The following EYS variants were observed in gnomAD, a reference collection of about 807,000 sequenced individuals.
EYS encodes EGF-like photoreceptor maintenance factor.
EYS carries 250 observed loss-of-function variants against 282.1 expected under a neutral mutation model. That is an observed-to-expected ratio of 0.89 (90% CI 0.80 to 0.98). EYS has a LOEUF of 0.98. EYS is among the 50% of genes least tolerant of loss of function. EYS has a pLI of 0.00. For missense variants in EYS, 4,016 were observed against 3,709.0 expected (o/e 1.08, Z -2.15); for synonymous variants, 1,355 against 1,282.9 (o/e 1.06, Z -1.20).
intron 7 of EYS, among the ~76,000 whole-genome samples, chr6:65,390,873 G>A (rs1469355493): frequency 6.6e-6 from 1 of 150,386 alleles, no homozygotes; most frequent in African/African-American, 2.4e-5. Context: ...GAAAACATGA[G>A]ACCCCGTCTC....
intron 35 of EYS, among the ~76,000 whole-genome samples, chr6:63,956,834 C>G (rs1264773292): frequency 1.3e-5 from 2 of 152,138 alleles, no homozygotes; most frequent in African/African-American, 4.8e-5. Flanking sequence ...TTTTCCCGCC[C>G]CTGGATAGTG....
intron 1 of EYS, among the ~76,000 whole-genome samples, chr6:65,688,456 G>A (rs1019510114): frequency 6.6e-6 from 1 of 152,030 alleles, no homozygotes; most frequent in Non-Finnish European, 1.5e-5. Flanking sequence ...AGACCTAAAT[G>A]TTAGACCTAA....
intron 22 of EYS, among the ~76,000 whole-genome samples, chr6:64,789,886 TATA>T (rs1416406200): frequency 1.5e-4 from 7 of 45,320 alleles, no homozygotes; most frequent in Non-Finnish European, 4.4e-4. Flanking sequence ...AGTTGTATGA[TATA>T]TATATATATA....
chr6:64,238,863 A>T (rs1766697565), intron 30 of EYS, among the ~76,000 whole-genome samples: 1 of 152,102 alleles, frequency 6.6e-6, no homozygotes, highest in Non-Finnish European at 1.5e-5. Flanking sequence ...TCAACCCATC[A>T]TCTACATTAG....
intron 19 of EYS, among the ~76,000 whole-genome samples, chr6:64,846,781 T>C (rs1765729397): frequency 6.6e-6 from 1 of 152,148 alleles, no homozygotes; most frequent in African/African-American, 2.4e-5. Flanking sequence ...TTAGGGGAAG[T>C]ATTTCATTAT....
intron 7 of EYS, among the ~76,000 whole-genome samples, chr6:65,393,860 G>A (rs903703767): frequency 6.6e-6 from 1 of 151,852 alleles, no homozygotes; most frequent in Admixed American, 6.6e-5. Context: ...AACACAATAA[G>A]CTGAGAATAT....
At chr6:65,547,963 T>A (rs1035256951) in intron 2 of EYS, among the ~76,000 whole-genome samples, 1 of 152,198 alleles carries the variant, frequency 6.6e-6, no homozygotes, top group Non-Finnish European at 1.5e-5. Flanking sequence ...CAAATTCCCA[T>A]TCTTTATCTC....
At chr6:64,316,285 T>C (rs1288817543) in intron 29 of EYS, among the ~76,000 whole-genome samples, 1 of 152,144 alleles carries the variant, frequency 6.6e-6, no homozygotes, top group Non-Finnish European at 1.5e-5. Context: ...ATTGTCTCTG[T>C]TTGCAGATGA....
intron 35 of EYS, among the ~76,000 whole-genome samples, chr6:63,963,501 A>C (rs1204631074): frequency 1.3e-5 from 2 of 152,188 alleles, no homozygotes; most frequent in Admixed American, 6.5e-5. Context: ...ATGTGGCTTC[A>C]AGAAAGAATA....
chr6:64,306,853 C>T lies in EYS; in HGVS notation c.6191+117G>A, dbSNP rs550831454. ...TGAAGTAGAACGTAGGAATGTGAAG[C>T]AAAAACAAAGAAACGAAATATAGTG... On this transcript the variant is annotated intron_variant, in intron 30 of 42. Transcript: ENST00000503581. The T allele has an allele frequency of 1.0e-3, 662 of 640,872 alleles. 3 individuals carry two copies. In the African/African-American group the frequency reaches 0.011, roughly 10 times the overall value. 39.7% of individuals were successfully genotyped at this position (640,872 alleles called of 1,614,324 possible). A position where few individuals can be genotyped will look rare whatever the true frequency, so the allele number is the denominator to read the frequency against.
chr6:64,888,037 A>G (rs1374940188), intron 18 of EYS, among the ~76,000 whole-genome samples: 1 of 152,054 alleles, frequency 6.6e-6, no homozygotes, highest in East Asian at 1.9e-4. Flanking sequence ...AAATAACAGG[A>G]CTTCATTCTT....
At position 64,822,794 on chromosome 6, in the gene EYS, T is replaced by G; in HGVS notation, c.3021A>C (p.Glu1007Asp). 6.5e-7 allele frequency: 1 copy of G among 1,549,704 alleles called. No homozygotes were observed. Among genetic ancestry groups the G allele is most frequent in the South Asian group, 1.2e-5 (1 of 83,838 alleles). ...TGINCEINLD[E>D]CLSEPCLHDG... ...CATGGAGACAGGGCTCTGATAGGCA[T>G]TCATCTAGATTTATTTCACAGTTGA... Residue 1007 changes from glutamate (E) to aspartate (D), a missense_variant, in exon 20 of 43, where the codon GAA becomes GAC. Glu to Asp is a conservative substitution (Grantham distance 45). Coordinates refer to ENST00000503581, the MANE Select transcript of EYS (RefSeq NM_001142800.2).
At chr6:64,758,415 T>G (rs1201282026) in intron 22 of EYS, among the ~76,000 whole-genome samples, 4 of 152,184 alleles carry the variant, frequency 2.6e-5, no homozygotes, top group African/African-American at 9.7e-5. Context: ...ACTGCTTGGA[T>G]AGCCTGGAAC....
At chr6:64,489,053 T>C (rs971633688) in intron 26 of EYS, among the ~76,000 whole-genome samples, 2 of 150,858 alleles carry the variant, frequency 1.3e-5, no homozygotes, top group Admixed American at 6.6e-5. Flanking sequence ...TGGAGAAGAA[T>C]GATGAAAAAA....
intron 13 of EYS, among the ~76,000 whole-genome samples, chr6:65,037,508 T>C (rs1772805146): frequency 6.6e-6 from 1 of 151,820 alleles, no homozygotes; most frequent in Non-Finnish European, 1.5e-5. Flanking sequence ...AACTTTCACT[T>C]AATAAAAAGT....
At chr6:65,207,706 A>T (rs139142142) in intron 12 of EYS, among the ~76,000 whole-genome samples, 2,145 of 151,812 alleles carry the variant, frequency 0.014, 28 homozygotes, top group Non-Finnish European at 0.021. Flanking sequence ...AGTGTAGACA[A>T]CCTAAAAGTA....
chr6:64,904,796 CACAGG>C (rs1767773112), intron 16 of EYS, among the ~76,000 whole-genome samples: 2 of 152,078 alleles, frequency 1.3e-5, no homozygotes, highest in Non-Finnish European at 2.9e-5. Flanking sequence ...TTGGGTAGCT[CACAGG>C]ATAACCTTGT....
intron 33 of EYS, among the ~76,000 whole-genome samples, chr6:64,017,423 A>C (rs374574955): frequency 1.3e-5 from 2 of 152,230 alleles, no homozygotes; most frequent in East Asian, 3.9e-4. Flanking sequence ...ATTTGTTTCC[A>C]TGGTCTGGTG....
chr6:63,954,434 C>T (rs2149768982), intron 35 of EYS, among the ~76,000 whole-genome samples: 1 of 152,290 alleles, frequency 6.6e-6, no homozygotes, highest in Middle Eastern at 3.4e-3. Flanking sequence ...TCTTAACATG[C>T]CTTCCATATC....
Sources: gnomAD v4.1 joint callset for allele counts (sites outside exome capture counted in the v4.1 genomes callset) on GRCh38, gnomAD v4.1.1 for gene constraint, MANE v1.5 for transcripts, NCBI Gene and HGNC (gene_info 2026-07-23, HGNC 2026-07-21) for gene names.